ATP13A5: variants seen among roughly 807,000 people sequenced by gnomAD.
ATP13A5 encodes probable cation-transporting ATPase 13A5.
ATP13A5 carries 149 observed loss-of-function variants against 150.2 expected under a neutral mutation model. That is an observed-to-expected ratio of 0.99 (90% CI 0.87 to 1.14). The LOEUF (loss-of-function observed/expected upper bound fraction) is 1.14, where lower values mean the gene tolerates loss of function less well. Ranked by LOEUF, ATP13A5 falls within the 50% of genes most tolerant of loss-of-function variation. The pLI, the probability that ATP13A5 is intolerant of heterozygous loss-of-function variation, is 0.00. For synonymous variants in ATP13A5, 497 were observed against 522.2 expected, an observed-to-expected ratio of 0.95 and a Z score of 0.66; for missense variants, 1,383 against 1,449.3, an observed-to-expected ratio of 0.95 and a Z score of 0.74.
In ATP13A5 at chr3:193,281,482, A is replaced by G. The variant is rs551465845; in HGVS notation, c.3227-2028T>C. 2.6e-5 allele frequency among the ~76,000 whole-genome samples: 4 copies of G among 152,322 alleles called. No individual in the cohort carries two copies. The East Asian group carries it at 7.7e-4, about 29-fold the overall frequency. On this transcript the variant is annotated intron_variant, in intron 27 of 29. Coordinates refer to ENST00000342358, the MANE Select transcript of ATP13A5 (RefSeq NM_198505.4). The stretch of plus-strand genomic sequence containing the variant: ...AAACATGAAAGAATAGGGCTCTGTT[A>G]ATGCAGGTGCTTTAGGAAAGCAAAT...
At position 193,307,188 on chromosome 3, in the gene ATP13A5, A is replaced by G. The variant is rs535536108; in HGVS notation, c.2568+139T>C. The G allele has an allele frequency of 7.9e-6, 12 of 1,518,480 alleles. No homozygotes were observed. The East Asian group carries it at 2.2e-4, about 28-fold the overall frequency. 94.1% of individuals were successfully genotyped at this position (1,518,480 alleles called of 1,614,324 possible). A position where few individuals can be genotyped will look rare whatever the true frequency, so the allele number is the denominator to read the frequency against. On this transcript the variant is annotated intron_variant, in intron 22 of 29. Transcript: ENST00000342358. Reference sequence around the variant, plus strand: ...TCCCCTCCGCTTCCAACCCACACTCAGGTAGAGGTGGATATAAACAGCAAA... The same window carrying G: ...TCCCCTCCGCTTCCAACCCACACTCGGGTAGAGGTGGATATAAACAGCAAA...
At chr3:193,343,887 T>C in intron 9 of ATP13A5, 40 bp downstream of exon 9, 1 of 1,599,530 alleles carries the variant, frequency 6.3e-7, no homozygotes, top group Non-Finnish European at 8.5e-7. Flanking sequence ...TCTGATTAGA[T>C]GTCAGACAGG....
intron 1 of ATP13A5, among the ~76,000 whole-genome samples, chr3:193,376,452 T>G (rs1405021684): frequency 6.6e-6 from 1 of 152,178 alleles, no homozygotes; most frequent in Non-Finnish European, 1.5e-5. Flanking sequence ...CCTCAAGAGA[T>G]CTTCCCACCT....
chr3:193,374,723 C>CA (rs770682703), intron 1 of ATP13A5, among the ~76,000 whole-genome samples: 1 of 151,944 alleles, frequency 6.6e-6, no homozygotes, highest in Admixed American at 6.6e-5. Flanking sequence ...TAAGAGATCA[C>CA]AAAAAAACAT....
At position 193,307,322 on chromosome 3, in the gene ATP13A5, C is replaced by G; in HGVS notation, c.2568+5G>C. ...CTTGTCTGAGCAAAAGCCATTTCTA[C>G]TCACCCCACAGTCGTTAGCTCCATC... On this transcript the variant is annotated splice_donor_5th_base_variant and intron_variant, in intron 22 of 29. Transcript: ENST00000342358. The G allele has an allele frequency of 6.2e-7, 1 of 1,613,816 alleles. No individual in the cohort carries two copies. The highest frequency in any genetic ancestry group is 1.7e-4 in the Middle Eastern group (1 of 6,058).
At chr3:193,368,407 T>TGTGA (rs1713326345) in intron 1 of ATP13A5, among the ~76,000 whole-genome samples, 1 of 151,774 alleles carries the variant, frequency 6.6e-6, no homozygotes, top group African/African-American at 2.4e-5. Flanking sequence ...TGTGTGTGTG[T>TGTGA]GTGTGTGTGT....
chr3:193,322,982 C>G (rs1719338517), intron 14 of ATP13A5, among the ~76,000 whole-genome samples: 1 of 152,140 alleles, frequency 6.6e-6, no homozygotes, highest in South Asian at 2.1e-4. Context: ...CATACTATAC[C>G]TATGCTACTA....
chr3:193,331,257 G>T lies in ATP13A5; in HGVS notation c.1327C>A (p.Pro443Thr), dbSNP rs372215216. The T allele has an allele frequency of 2.2e-5, 35 of 1,614,010 alleles. No individual in the cohort carries two copies. The African/African-American group carries it at 3.6e-4, about 17-fold the overall frequency. ...GTCAGGGCAGCTGGCAGCACTGGAG[G>T]GACAGTCACGGTGAGGAGGATCAGG... ...MALILLTVTV[P>T]PVLPAALTIG... The change falls in exon 12 of 30, where the codon CCT becomes ACT. Residue 443 changes from proline to threonine, a missense_variant. Pro to Thr is a conservative substitution (Grantham distance 38). Transcript: ENST00000342358.
chr3:193,308,759 G>A (rs1251242050), intron 21 of ATP13A5, among the ~76,000 whole-genome samples: 1 of 152,178 alleles, frequency 6.6e-6, no homozygotes, highest in Non-Finnish European at 1.5e-5. Flanking sequence ...TTCTGAGGCA[G>A]TGTGTGTCTT....
intron 16 of ATP13A5, 133 bp from the exon 17 acceptor site, chr3:193,319,241 T>C (rs1719170388): frequency 1.5e-6 from 1 of 653,584 alleles, no homozygotes; most frequent in South Asian, 2.2e-5. Context: ...AACTTAGAGC[T>C]TCTCCTAAAG....
chr3:193,378,512 G>A, intron 1 of ATP13A5, 151 bp downstream of exon 1: 1 of 689,550 alleles, frequency 1.5e-6, no homozygotes, highest in East Asian at 2.6e-5. Flanking sequence ...ATGGTGCTTT[G>A]CAGCCCTTAA....
intron 22 of ATP13A5, among the ~76,000 whole-genome samples, chr3:193,306,735 C>G (rs1237679759): frequency 6.6e-6 from 1 of 152,134 alleles, no homozygotes; most frequent in Non-Finnish European, 1.5e-5. Flanking sequence ...CACTGCCCTT[C>G]TACTGCATAT....
intron 25 of ATP13A5, among the ~76,000 whole-genome samples, chr3:193,294,862 A>G (rs1279583320): frequency 6.6e-6 from 1 of 152,184 alleles, no homozygotes; most frequent in Non-Finnish European, 1.5e-5. Flanking sequence ...GTAGGCTACA[A>G]TTGAACAAAA....
At chr3:193,284,860 G>GAGAAAGGGAATGGGAAAC in intron 27 of ATP13A5, 54 bp downstream of exon 27, 2 of 1,413,858 alleles carry the variant, frequency 1.4e-6, no homozygotes, top group Non-Finnish European at 1.9e-6. Context: ...ACTCTAGGGT[G>GAGAAAGGGAATGGGAAAC]AGAAAGGGAA....
intron 1 of ATP13A5, among the ~76,000 whole-genome samples, chr3:193,374,030 C>A (rs1310813467): frequency 2.6e-5 from 4 of 152,096 alleles, no homozygotes; most frequent in African/African-American, 9.7e-5. Flanking sequence ...GCACTTGTGG[C>A]TCCAGTGGGG....
intron 26 of ATP13A5, among the ~76,000 whole-genome samples, chr3:193,289,033 T>A (rs981984697): frequency 1.3e-4 from 20 of 152,170 alleles, no homozygotes; most frequent in Non-Finnish European, 2.1e-4. Context: ...TATTCCTAGT[T>A]ATACTTAAAT....
At chr3:193,294,329 ACCCT>A (rs944733969) in intron 25 of ATP13A5, among the ~76,000 whole-genome samples, 20 of 151,026 alleles carry the variant, frequency 1.3e-4, no homozygotes, top group Admixed American at 4.6e-4. Flanking sequence ...TCTTAAACAA[ACCCT>A]CCCTCTATTT....
chr3:193,339,676 A>G (rs1560140631), intron 9 of ATP13A5, among the ~76,000 whole-genome samples: 7 of 151,830 alleles, frequency 4.6e-5, no homozygotes, highest in Admixed American at 4.6e-4. Context: ...AGATGTATCA[A>G]TTGCATTCTA....
At chr3:193,323,685 T>C (rs913253064) in intron 14 of ATP13A5, 1 of 152,224 alleles carries the variant, frequency 6.6e-6, no homozygotes, top group Non-Finnish European at 1.5e-5. Context: ...ATCCAGAGAA[T>C]TGGTCACTAT....
Sources: gnomAD v4.1 joint callset for allele counts (sites outside exome capture counted in the v4.1 genomes callset) on GRCh38, gnomAD v4.1.1 for gene constraint, MANE v1.5 for transcripts, NCBI Gene and HGNC (gene_info 2026-07-23, HGNC 2026-07-21) for gene names.